The following SCN1A variants were observed in gnomAD, a reference collection of about 807,000 sequenced individuals.
SCN1A encodes sodium voltage-gated channel alpha subunit 1, also known as sodium channel protein type 1 subunit alpha.
In SCN1A, 13 loss-of-function variants were observed where a neutral mutation model predicts 193.7. The observed-to-expected ratio is 0.07, with a 90% confidence interval of 0.04 to 0.11. The LOEUF (loss-of-function observed/expected upper bound fraction) is 0.11, where lower values mean the gene tolerates loss of function less well. Among genes scored for constraint, SCN1A ranks in the 10% least tolerant of loss-of-function variants. The pLI is 1.00. For missense variants in SCN1A, 1,432 were observed against 2,451.1 expected (o/e 0.58, Z 8.78); for synonymous variants, 781 against 843.6 (o/e 0.93, Z 1.29).
Position 166,106,371 on chromosome 2 carries a change from C to G in SCN1A, c.-142+20553G>C, listed in dbSNP as rs369012182. Among the ~76,000 whole-genome samples the G allele has an allele frequency of 2.5e-4, 38 of 152,148 alleles. No individual in the cohort carries two copies. The South Asian group carries it at 7.7e-3, about 31-fold the overall frequency. ...AAAGAAGAGTGAACTGGAAGGATTT[C>G]CCATCCCAAGGTTGGGGTCCAAACT... On this transcript the variant is annotated intron_variant, in intron 2 of 28. Coordinates refer to ENST00000674923, the MANE Select transcript of SCN1A (RefSeq NM_001165963.4).
upstream of SCN1A, among the ~76,000 whole-genome samples, chr2:166,132,995 C>T (rs1189306937): frequency 2.0e-5 from 3 of 151,864 alleles, no homozygotes; most frequent in Non-Finnish European, 4.4e-5. Flanking sequence ...ATCTTTAGAA[C>T]CAATGTGCTT....
intron 19 of SCN1A, among the ~76,000 whole-genome samples, chr2:166,023,617 G>A (rs1368513194): frequency 2.0e-5 from 3 of 152,088 alleles, no homozygotes; most frequent in African/African-American, 7.2e-5. Context: ...AGCAGATCTG[G>A]ACTCAGGAGG....
At chr2:166,107,462 A>T in intron 2 of SCN1A, among the ~76,000 whole-genome samples, 1 of 152,172 alleles carries the variant, frequency 6.6e-6, no homozygotes. Context: ...TTCAACAGTT[A>T]TAAAAAAAAA....
intron 1 of SCN1A, among the ~76,000 whole-genome samples, chr2:166,147,338 G>A (rs1201493713): frequency 6.6e-6 from 1 of 152,098 alleles, no homozygotes; most frequent in Admixed American, 6.5e-5. Context: ...GGAATACAAA[G>A]ATATATATGG....
Position 166,073,704 on chromosome 2 carries a change from T to A in SCN1A, c.-49-34A>T, listed in dbSNP as rs566839. The A allele has an allele frequency of 1, 1,451,175 of 1,454,228 alleles. 724,102 individuals are homozygous for A. The highest frequency in any genetic ancestry group is 1 in the East Asian group (43,933 of 43,934). 90.1% of individuals were successfully genotyped at this position (1,454,228 alleles called of 1,614,324 possible). The stretch of plus-strand genomic sequence containing the variant: ...AAAGGAATACAGATATTTTAAAGAG[T>A]GGACTAAGAGATGTTAATATAAATA... On this transcript the variant is annotated intron_variant, in intron 3 of 28. Transcript: ENST00000674923.
chr2:166,129,682 A>C (rs1395642075), upstream of SCN1A, among the ~76,000 whole-genome samples: 1 of 152,172 alleles, frequency 6.6e-6, no homozygotes, highest in Non-Finnish European at 1.5e-5. Flanking sequence ...CTAACAGGCA[A>C]TTTTTTTAGA....
intron 19 of SCN1A, among the ~76,000 whole-genome samples, chr2:166,020,189 C>T (rs1181949555): frequency 6.6e-6 from 1 of 152,118 alleles, no homozygotes; most frequent in African/African-American, 2.4e-5. Flanking sequence ...GGATTACAGG[C>T]GTGATCCACC....
At chr2:165,995,336 T>C (rs1689869957) in intron 27 of SCN1A, among the ~76,000 whole-genome samples, 1 of 151,848 alleles carries the variant, frequency 6.6e-6, no homozygotes, top group Non-Finnish European at 1.5e-5. Flanking sequence ...TACTGAAACC[T>C]CTCAGATCAT....
intron 2 of SCN1A, among the ~76,000 whole-genome samples, chr2:166,098,189 T>C (rs1687606185): frequency 6.6e-6 from 1 of 152,182 alleles, no homozygotes; most frequent in African/African-American, 2.4e-5. Context: ...GTAGGCTTTA[T>C]TCCTAGGATG....
At chr2:166,005,529 GAA>G (rs1207999608) in intron 23 of SCN1A, among the ~76,000 whole-genome samples, 1 of 151,324 alleles carries the variant, frequency 6.6e-6, no homozygotes, top group Non-Finnish European at 1.5e-5. Context: ...TTGGCCCAGA[GAA>G]AAGTTTTATT....
At chr2:165,998,830 CAA>C (rs1690438796) in intron 25 of SCN1A, among the ~76,000 whole-genome samples, 1 of 151,080 alleles carries the variant, frequency 6.6e-6, no homozygotes, top group African/African-American at 2.4e-5. Flanking sequence ...ACACACAAAA[CAA>C]AATATAAGTG....
chr2:166,064,712 A>C (rs563213136), intron 4 of SCN1A, among the ~76,000 whole-genome samples: 4 of 152,138 alleles, frequency 2.6e-5, no homozygotes, highest in Admixed American at 6.6e-5. Flanking sequence ...TCTAGGGGCC[A>C]TATTCTTCAA....
In SCN1A at chr2:166,034,747, G is replaced by T. The variant is rs527738138; in HGVS notation, c.3429+1301C>A. Reference sequence around the variant, plus strand: ...TAGGGCCTGTAAGGTGGTGATAAAGGTTAAATGAGGTCATACAGGTTGGAC... The same window carrying T: ...TAGGGCCTGTAAGGTGGTGATAAAGTTTAAATGAGGTCATACAGGTTGGAC... On this transcript the variant is annotated intron_variant, in intron 19 of 28. Coordinates refer to ENST00000674923, the MANE Select transcript of SCN1A (RefSeq NM_001165963.4). Among the ~76,000 whole-genome samples the T allele has an allele frequency of 2.3e-4, 35 of 152,300 alleles. No individual in the cohort carries two copies. In the South Asian group the frequency reaches 3.1e-3, roughly 14 times the overall value.
At chr2:166,121,137 A>T (rs2106247326) in intron 2 of SCN1A, among the ~76,000 whole-genome samples, 1 of 151,718 alleles carries the variant, frequency 6.6e-6, no homozygotes, top group African/African-American at 2.4e-5. Context: ...AAAAAAAGAA[A>T]AAGAAAGAAA....
At chr2:166,136,872 G>A (rs1691880561) in intron 1 of SCN1A, among the ~76,000 whole-genome samples, 1 of 152,186 alleles carries the variant, frequency 6.6e-6, no homozygotes, top group African/African-American at 2.4e-5. Flanking sequence ...AAGCTAGGAA[G>A]TGAGGTGTGG....
rs1455799158 is a variant in SCN1A, at chr2:166,055,317, A to C, written c.474-551T>G. Among the ~76,000 whole-genome samples the C allele has an allele frequency of 2.0e-5, 3 of 151,968 alleles. 1 individual carries two copies. The East Asian group carries it at 5.8e-4, about 29-fold the overall frequency. On this transcript the variant is annotated intron_variant, in intron 6 of 28. Coordinates refer to ENST00000674923, the MANE Select transcript of SCN1A (RefSeq NM_001165963.4). ...TAGAATAAAATTCTTCTGATAATTCAGAAACTTAGGTGTTTCCAAAGTTTA... is the reference window on the plus strand; with the variant it reads ...TAGAATAAAATTCTTCTGATAATTCCGAAACTTAGGTGTTTCCAAAGTTTA...
chr2:165,998,210 T>C, intron 25 of SCN1A, 35 bp from the exon 26 acceptor site: 2 of 1,565,094 alleles, frequency 1.3e-6, no homozygotes, highest in Non-Finnish European at 1.8e-6. Flanking sequence ...AATATTACCA[T>C]ACATTTTAGT....
chr2:166,029,273 C>T (rs1574132558), intron 19 of SCN1A, among the ~76,000 whole-genome samples: 2 of 152,078 alleles, frequency 1.3e-5, no homozygotes, highest in Middle Eastern at 6.8e-3. Flanking sequence ...AGAAAGACCA[C>T]CTATTGTTTT....
chr2:166,011,780 G>T (rs1406444494), intron 22 of SCN1A, among the ~76,000 whole-genome samples: 1 of 151,086 alleles, frequency 6.6e-6, no homozygotes, highest in East Asian at 1.9e-4. Context: ...ACTTGAGTCT[G>T]TCTGACTCAC....
Sources: allele counts gnomAD v4.1 joint callset (sites outside exome capture counted in the v4.1 genomes callset), GRCh38; gene constraint gnomAD v4.1.1; transcripts MANE v1.5; gene names NCBI Gene and HGNC (gene_info 2026-07-23, HGNC 2026-07-21).